Variants in THSD4 observed in about 807,000 individuals in gnomAD.
THSD4 encodes thrombospondin type 1 domain containing 4.
A neutral mutation model predicts 119.0 loss-of-function variants in THSD4; 69 were observed. The ratio of observed to expected loss-of-function variants is 0.58; its 90% CI spans 0.48 to 0.71. The LOEUF (loss-of-function observed/expected upper bound fraction) is 0.71. Ranked by LOEUF, THSD4 falls within the 30% of genes least tolerant of loss-of-function variation. The probability of loss-of-function intolerance (pLI) is 0.00; values close to 1 mark genes in which losing one functional copy is unlikely to be tolerated. For synonymous variants in THSD4, 524 were observed against 540.4 expected (o/e 0.97, Z 0.42); for missense variants, 1,393 against 1,391.1 (o/e 1.00, Z -0.02).
intron 7 of THSD4, among the ~76,000 whole-genome samples, chr15:71,560,644 T>C (rs1032009274): frequency 1.3e-5 from 2 of 152,214 alleles, no homozygotes; most frequent in African/African-American, 2.4e-5. Context: ...GTGTTATAAA[T>C]ATAGTTGTAT....
chr15:71,442,662 A>ATGTGTG (rs1293956011), intron 7 of THSD4, among the ~76,000 whole-genome samples: 1 of 36,054 alleles, frequency 2.8e-5, no homozygotes, highest in African/African-American at 8.8e-5. Flanking sequence ...GTGTGTGTGT[A>ATGTGTG]TATATATATA....
At position 71,599,697 on chromosome 15, in the gene THSD4, A is replaced by C. The variant is rs931018526; in HGVS notation, c.1153-60833A>C. Among the ~76,000 whole-genome samples the C allele has an allele frequency of 1.9e-4, 29 of 152,222 alleles. 1 individual carries two copies. The highest frequency in any genetic ancestry group is 5.9e-5 in the Non-Finnish European group (4 of 68,034). On this transcript the variant is annotated intron_variant, in intron 7 of 17. Transcript: ENST00000261862. ...AAACCTGATGAGGAGCATTTTATAA[A>C]TTAAGAGCTGTTCCCTTCTGCCGCT... is the stretch of plus-strand genomic sequence containing the variant.
At chr15:71,245,965 A>C (rs2044196107) in intron 5 of THSD4, among the ~76,000 whole-genome samples, 1 of 152,074 alleles carries the variant, frequency 6.6e-6, no homozygotes, top group Non-Finnish European at 1.5e-5. Context: ...CCAGCATCTC[A>C]GCATCAATGA....
intron 14 of THSD4, among the ~76,000 whole-genome samples, chr15:71,748,907 AGACACTCAG>A (rs1255748208): frequency 6.6e-6 from 1 of 152,194 alleles, no homozygotes; most frequent in Non-Finnish European, 1.5e-5. Context: ...GGTGTCTCAT[AGACACTCAG>A]CAATGGCAGG....
intron 7 of THSD4, among the ~76,000 whole-genome samples, chr15:71,602,576 A>AAG (rs2050033600): frequency 6.8e-6 from 1 of 146,456 alleles, no homozygotes; most frequent in Non-Finnish European, 1.5e-5. Flanking sequence ...AAAAAAAAAA[A>AAG]AAAATGAAAA....
intron 1 of THSD4, among the ~76,000 whole-genome samples, chr15:71,129,206 G>A (rs1333922814): frequency 2.0e-5 from 3 of 152,228 alleles, no homozygotes; most frequent in Admixed American, 1.3e-4. Flanking sequence ...TCAGCAGCAG[G>A]AGGAAACTCG....
chr15:71,713,163 G>A (rs1342523475), intron 8 of THSD4, among the ~76,000 whole-genome samples: 1 of 152,168 alleles, frequency 6.6e-6, no homozygotes, highest in African/African-American at 2.4e-5. Context: ...AATCCAATAT[G>A]CCATCATTGT....
chr15:71,402,722 C>T (rs1034294291), intron 6 of THSD4, among the ~76,000 whole-genome samples: 1 of 152,158 alleles, frequency 6.6e-6, no homozygotes, highest in Admixed American at 6.5e-5. Context: ...ACAGCGCAAG[C>T]TCCAGAAATA....
upstream of THSD4, chr15:71,112,000 T>G: frequency 9.3e-7 from 1 of 1,079,642 alleles, no homozygotes; most frequent in African/African-American, 1.6e-5. Flanking sequence ...TCCCCATAAG[T>G]TTCCCCCCAA....
At position 71,211,599 on chromosome 15, in the gene THSD4, C is replaced by T. The variant is rs574376996; in HGVS notation, c.100-3436C>T. Among the ~76,000 whole-genome samples, 4 of 152,250 alleles carry T rather than the reference C, an allele frequency of 2.6e-5. No individual in the cohort carries two copies. The South Asian group carries it at 8.3e-4, about 32-fold the overall frequency. On this transcript the variant is annotated intron_variant, in intron 3 of 17. Coordinates refer to ENST00000261862, the MANE Select transcript of THSD4 (RefSeq NM_024817.3). The stretch of plus-strand genomic sequence containing the variant: ...GGCCCCACCTCCAAATACAATCATA[C>T]TGAGGATTTGGGCTTCAATATATGA...
At chr15:71,572,057 C>T (rs2140900991) in intron 7 of THSD4, among the ~76,000 whole-genome samples, 1 of 151,966 alleles carries the variant, frequency 6.6e-6, no homozygotes, top group East Asian at 1.9e-4. Flanking sequence ...TTATTGTTGA[C>T]AGAAAGAGAG....
chr15:71,379,532 T>C (rs12438139), intron 6 of THSD4, among the ~76,000 whole-genome samples: 30,486 of 142,740 alleles, frequency 0.21, 3,349 homozygotes, highest in South Asian at 0.29. Flanking sequence ...GATCTCGGCT[T>C]ACTGCAAGCT....
chr15:71,247,449 A>C (rs145494423), intron 5 of THSD4, among the ~76,000 whole-genome samples: 1 of 152,344 alleles, frequency 6.6e-6, no homozygotes, highest in African/African-American at 2.4e-5. Flanking sequence ...ATAGACTCAT[A>C]AAAAGGCATT....
chr15:71,723,002 T>C (rs1386045767), intron 8 of THSD4, among the ~76,000 whole-genome samples: 1 of 152,152 alleles, frequency 6.6e-6, no homozygotes, highest in Non-Finnish European at 1.5e-5. Context: ...AGTCACTTGG[T>C]ATTCCATTGT....
At chr15:71,269,815 TAGAG>T (rs1267617707) in intron 6 of THSD4, among the ~76,000 whole-genome samples, 3 of 152,014 alleles carry the variant, frequency 2.0e-5, no homozygotes, top group African/African-American at 4.8e-5. Flanking sequence ...AATAGACAAA[TAGAG>T]AGCCAAATCA....
intron 7 of THSD4, among the ~76,000 whole-genome samples, chr15:71,641,022 C>T (rs1283298793): frequency 1.3e-5 from 2 of 151,900 alleles, no homozygotes; most frequent in African/African-American, 4.8e-5. Flanking sequence ...CACTTACACA[C>T]TCTGATCATT....
intron 3 of THSD4, among the ~76,000 whole-genome samples, chr15:71,181,417 G>A (rs757356307): frequency 1.3e-5 from 2 of 152,160 alleles, no homozygotes; most frequent in Non-Finnish European, 2.9e-5. Context: ...GTGTTTGGAA[G>A]GCCCTTTACA....
At chr15:71,748,033 T>C (rs575415292) in intron 13 of THSD4, among the ~76,000 whole-genome samples, 1 of 152,278 alleles carries the variant, frequency 6.6e-6, no homozygotes, top group African/African-American at 2.4e-5. Context: ...TTATGATTTC[T>C]CCCTTAACAT....
intron 7 of THSD4, among the ~76,000 whole-genome samples, chr15:71,525,057 G>A (rs1295683926): frequency 3.3e-5 from 5 of 151,490 alleles, no homozygotes; most frequent in Admixed American, 1.3e-4. Flanking sequence ...CACCTAGAAG[G>A]AAAATGGTGG....
Sources: gnomAD v4.1 joint callset for allele counts (sites outside exome capture counted in the v4.1 genomes callset) on GRCh38, gnomAD v4.1.1 for gene constraint, MANE v1.5 for transcripts, NCBI Gene and HGNC (gene_info 2026-07-23, HGNC 2026-07-21) for gene names.